TBCD: variants seen among roughly 807,000 people sequenced by gnomAD.
The protein encoded by TBCD is tubulin-specific chaperone D.
Under a neutral mutation model 169.3 loss-of-function variants are expected in TBCD, and 105 were observed. The observed-to-expected ratio is 0.62, with a 90% CI of 0.53 to 0.73. TBCD has a LOEUF of 0.73. Among genes scored for constraint, TBCD ranks in the 30% least tolerant of loss-of-function variants. The probability of loss-of-function intolerance (pLI) is 0.00; values close to 1 mark genes in which losing one functional copy is unlikely to be tolerated. For missense variants in TBCD, 1,444 were observed against 1,600.1 expected, an observed-to-expected ratio of 0.90 and a Z score of 1.66; for synonymous variants, 700 against 643.9, an observed-to-expected ratio of 1.09 and a Z score of -1.32.
chr17:82,933,870 C>G (rs1378954333), intron 34 of TBCD, among the ~76,000 whole-genome samples: 1 of 152,218 alleles, frequency 6.6e-6, no homozygotes, highest in Non-Finnish European at 1.5e-5. Flanking sequence ...ACCTCGGCCT[C>G]CCAAAGTGCT....
At chr17:82,913,034 C>T (rs1278745893) in intron 23 of TBCD, 1 of 152,316 alleles carries the variant, frequency 6.6e-6, no homozygotes, top group African/African-American at 2.4e-5. Context: ...CCCTCAGATG[C>T]CTCCAGAGCA....
intron 11 of TBCD, among the ~76,000 whole-genome samples, chr17:82,807,940 C>A (rs2051100722): frequency 6.6e-6 from 1 of 152,228 alleles, no homozygotes; most frequent in South Asian, 2.1e-4. Context: ...CTTGCTTTTC[C>A]ACATCCTCAT....
chr17:82,842,110 G>T (rs2054572668), intron 13 of TBCD, among the ~76,000 whole-genome samples: 1 of 152,254 alleles, frequency 6.6e-6, no homozygotes, highest in African/African-American at 2.4e-5. Context: ...CCTCTCAGCG[G>T]CAGGAGTGCC....
intron 12 of TBCD, among the ~76,000 whole-genome samples, chr17:82,814,477 A>C (rs2051703086): frequency 6.6e-6 from 1 of 152,214 alleles, no homozygotes; most frequent in Admixed American, 6.5e-5. Context: ...TGTTGTCTTC[A>C]TACTCAGTTG....
intron 6 of TBCD, among the ~76,000 whole-genome samples, chr17:82,773,728 CTT>C (rs201526542): frequency 2.1e-5 from 3 of 145,448 alleles, no homozygotes; most frequent in Non-Finnish European, 1.5e-5. Context: ...CTTTTTCTTT[CTT>C]TTTTTTTTTT....
Position 82,901,107 on chromosome 17 carries a change from C to T in TBCD, c.1730+376C>T, listed in dbSNP as rs536853061. On this transcript the variant is annotated intron_variant, in intron 18 of 38. Transcript: ENST00000355528. ...CATGTGGCTCCACAGGTGGTTTCTG[C>T]GCTGTCTCCTGGGAGCCCAGCAGTT... Among the ~76,000 whole-genome samples the T allele has an allele frequency of 3.9e-5, 6 of 152,354 alleles. No homozygotes were observed. In the South Asian group the frequency reaches 6.2e-4, roughly 16 times the overall value.
At chr17:82,872,892 AC>A (rs2146020194) in intron 14 of TBCD, among the ~76,000 whole-genome samples, 4 of 118,614 alleles carry the variant, frequency 3.4e-5, no homozygotes, top group African/African-American at 1.4e-4. Flanking sequence ...CTGGTGGCCG[AC>A]GGCTTCTGAG....
intron 38 of TBCD, chr17:82,941,936 C>T (rs534458404): frequency 3.3e-5 from 7 of 215,140 alleles, no homozygotes; most frequent in East Asian, 2.7e-4. Flanking sequence ...TCAGTTCTCT[C>T]GGGGGCTGGG....
intron 38 of TBCD, 165 bp downstream of exon 38, chr17:82,941,648 C>G (rs1441562053): frequency 3.1e-6 from 2 of 652,620 alleles, no homozygotes; most frequent in Non-Finnish European, 5.2e-6. Context: ...GCTGCCTTCT[C>G]TGGCCACTGC....
At chr17:82,754,210 T>G (rs1214747936) in intron 1 of TBCD, among the ~76,000 whole-genome samples, 1 of 152,020 alleles carries the variant, frequency 6.6e-6, no homozygotes, top group Admixed American at 6.6e-5. Flanking sequence ...GGGCCAGGGT[T>G]TTTTAGAGGT....
intron 19 of TBCD, among the ~76,000 whole-genome samples, chr17:82,905,074 G>T (rs1350316039): frequency 9.2e-5 from 14 of 152,192 alleles, no homozygotes; most frequent in Admixed American, 9.2e-4. Flanking sequence ...GTGTGGCAGA[G>T]CCGCCTCCCT....
chr17:82,937,798 G>A (rs1461823876), intron 35 of TBCD: 36 of 1,355,508 alleles, frequency 2.7e-5, no homozygotes, highest in East Asian at 5.1e-5. Flanking sequence ...ATGGCAGGGC[G>A]AGCGGCCCTG....
intron 14 of TBCD, among the ~76,000 whole-genome samples, chr17:82,876,448 TGA>T (rs1352962322): frequency 6.6e-6 from 1 of 152,168 alleles, no homozygotes; most frequent in East Asian, 1.9e-4. Context: ...GAAGGGAAAC[TGA>T]GAGGCCCACG....
rs1471197 is a variant in TBCD at position 82,920,513 on chromosome 17, A to G, written c.2039-43A>G. The stretch of plus-strand genomic sequence containing the variant: ...GCAAGCCGCTGTGGCAGGCGCTTTT[A>G]GAAAAGTAACATTGCGTCTATCCTT... On this transcript the variant is annotated intron_variant, in intron 23 of 38. Transcript: ENST00000355528. This position sits in a 1 kb window ranked among gnomAD's most constrained non-coding sequence, Gnocchi z 4.1. 1 allele frequency: 1,511,664 copies of G among 1,513,408 alleles called. 754,979 individuals carry two copies. Among genetic ancestry groups the G allele is most frequent in the East Asian group, 1 (40,766 of 40,766 alleles). 93.7% of individuals were successfully genotyped at this position (1,513,408 alleles called of 1,614,324 possible).
At position 82,806,081 on chromosome 17, in the gene TBCD, C is replaced by T; in HGVS notation, c.1087+70C>T. The T allele has an allele frequency of 1.3e-6, 2 of 1,573,480 alleles. No individual in the cohort carries two copies. Among genetic ancestry groups the T allele is most frequent in the Non-Finnish European group, 1.7e-6 (2 of 1,154,086 alleles). On this transcript the variant is annotated intron_variant, in intron 10 of 38. Coordinates refer to ENST00000355528, the MANE Select transcript of TBCD (RefSeq NM_005993.5). This position sits in a 1 kb window ranked among gnomAD's most constrained non-coding sequence, Gnocchi z 5.1. ...GGCCAATTCCCCTCTACTCCAGGAC[C>T]ACACTTCCTTCTTCCTTGCTGGTGC...
chr17:82,855,235 CTTTTTTTTTTTTTTTTTTTTT>C (rs58346723), intron 13 of TBCD, among the ~76,000 whole-genome samples: 1,403 of 54,074 alleles, frequency 0.026, 69 homozygotes, highest in African/African-American at 0.084. Flanking sequence ...AAGGTGTTTG[CTTTTTTTTTTTTTTTTTTTTT>C]TTTTTTTTTT....
chr17:82,848,079 G>A (rs1032479467), intron 13 of TBCD, among the ~76,000 whole-genome samples: 16 of 152,264 alleles, frequency 1.1e-4, no homozygotes, highest in Admixed American at 2.6e-4. Flanking sequence ...ATGGGTGGGC[G>A]CGGCCCTGTG....
chr17:82,938,500 T>C (rs926806066), intron 36 of TBCD, among the ~76,000 whole-genome samples: 1 of 152,164 alleles, frequency 6.6e-6, no homozygotes, highest in African/African-American at 2.4e-5. Context: ...GGATTTCTTT[T>C]CTCCTGGCTG....
intron 7 of TBCD, among the ~76,000 whole-genome samples, chr17:82,792,351 A>G (rs1194769006): frequency 7.7e-6 from 1 of 129,890 alleles, no homozygotes; most frequent in Non-Finnish European, 1.7e-5. Flanking sequence ...ACGTGTATAC[A>G]TGTGTGCACA....
Sources: allele counts gnomAD v4.1 joint callset (sites outside exome capture counted in the v4.1 genomes callset), GRCh38; gene constraint gnomAD v4.1.1; non-coding constraint Gnocchi (gnomAD v3.1); transcripts MANE v1.5; gene names NCBI Gene and HGNC (gene_info 2026-07-23, HGNC 2026-07-21).